Variants in ZNF469 observed in about 807,000 individuals in gnomAD.
ZNF469 encodes the protein zinc finger protein 469.
A neutral mutation model predicts 1.0 loss-of-function variants in ZNF469; 1 was observed. The ratio of observed to expected loss-of-function variants is 1.00; its 90% CI spans 0.35 to 4.73. The LOEUF (loss-of-function observed/expected upper bound fraction) is 4.73, where lower values mean the gene tolerates loss of function less well. ZNF469 is among the 30% of genes most tolerant of loss of function. The pLI is 0.16. For synonymous variants in ZNF469, 2,703 were observed against 2,363.4 expected (o/e 1.14, Z -4.17); for missense variants, 6,100 against 5,356.3 (o/e 1.14, Z -4.33).
the ZNF469 span, among the ~76,000 whole-genome samples, chr16:88,327,752 C>G: frequency 6.6e-6 from 1 of 152,204 alleles, no homozygotes; most frequent in African/African-American, 2.4e-5. Context: ...ATGCTTAGAC[C>G]CCGCACCACA....
the ZNF469 span, among the ~76,000 whole-genome samples, chr16:88,347,096 G>T: frequency 6.6e-6 from 1 of 152,308 alleles, no homozygotes; most frequent in African/African-American, 2.4e-5. Context: ...AGCTTGGGCG[G>T]TCTCAGCATG....
In ZNF469 at chr16:88,434,171, G is replaced by C. The variant is rs1316067638; in HGVS notation, c.6701G>C (p.Ser2234Thr). Residue 2234 changes from serine (S) to threonine (T), a missense_variant, in exon 3 of 3, where the codon AGT (serine) becomes ACT (threonine). Coordinates refer to ENST00000565624, the MANE Select transcript of ZNF469 (RefSeq NM_001367624.2). The stretch of plus-strand genomic sequence containing the variant: ...TCCTCCTGGCCTCCTGGCTCCGTCA[G>C]TGCTGTAACCTGCACTCACAGTGGG... ...DPSSWPPGSV[S>T]AVTCTHSGDT... 1.3e-6 allele frequency: 2 copies of C among 1,550,356 alleles called. No homozygotes were observed. The highest frequency in any genetic ancestry group is 2.0e-5 in the Admixed American group (1 of 51,016).
the ZNF469 span, among the ~76,000 whole-genome samples, chr16:88,322,920 G>C: frequency 2.6e-5 from 4 of 152,178 alleles, no homozygotes; most frequent in Non-Finnish European, 5.9e-5. Flanking sequence ...TCAGGAAAGC[G>C]GAGAGGATGA....
chr16:88,311,228 C>A, the ZNF469 span, among the ~76,000 whole-genome samples: 5 of 152,332 alleles, frequency 3.3e-5, no homozygotes, highest in East Asian at 9.6e-4. Flanking sequence ...CAGGGGTCTA[C>A]ATCATCAACA....
the ZNF469 span, among the ~76,000 whole-genome samples, chr16:88,165,946 C>T: frequency 2.0e-5 from 3 of 152,216 alleles, no homozygotes; most frequent in Non-Finnish European, 2.9e-5. Flanking sequence ...GTGTCAGAAT[C>T]TCCTTCCCTT....
the ZNF469 span, among the ~76,000 whole-genome samples, chr16:88,272,484 A>G: frequency 8.7e-6 from 1 of 115,244 alleles, no homozygotes; most frequent in East Asian, 2.7e-4. Flanking sequence ...GTGTATGGAT[A>G]GATGAGTGGA....
chr16:88,170,193 G>A, the ZNF469 span, among the ~76,000 whole-genome samples: 1 of 152,132 alleles, frequency 6.6e-6, no homozygotes, highest in South Asian at 2.1e-4. The surrounding 1 kb of genome is among the most constrained non-coding windows in gnomAD (Gnocchi z 4.2). Flanking sequence ...TAGAGTTAAG[G>A]CATGTAATGT....
At chr16:88,422,610 T>A (rs1286857568) in intron 1 of ZNF469, among the ~76,000 whole-genome samples, 1 of 122,260 alleles carries the variant, frequency 8.2e-6, no homozygotes, top group African/African-American at 3.2e-5. Flanking sequence ...GAAGGGTGGA[T>A]GAGTGGGTGG....
At position 88,433,509 on chromosome 16, in the gene ZNF469, C is replaced by A. The variant is rs756857979; in HGVS notation, c.6039C>A (p.Asp2013Glu). Residue 2013 changes from aspartate (D) to glutamate (E), a missense_variant, in exon 3 of 3, where the codon GAC becomes GAA. By Grantham distance (45) the Asp-to-Glu change is conservative. Transcript: ENST00000565624. ...ACGGGGTGAGCCCAGGGGGCACGGACAACCACGCCTCAGTCAATGCCAGTC... is the reference window on the plus strand; with the variant it reads ...ACGGGGTGAGCCCAGGGGGCACGGAAAACCACGCCTCAGTCAATGCCAGTC... ...PENGVSPGGT[D>E]NHASVNASPK... The A allele has an allele frequency of 1.3e-6, 2 of 1,550,194 alleles. No homozygotes were observed. Among genetic ancestry groups the A allele is most frequent in the Non-Finnish European group, 1.7e-6 (2 of 1,146,920 alleles).
the ZNF469 span, among the ~76,000 whole-genome samples, chr16:88,208,803 A>ACACACACACACACACACTCT: frequency 1.6e-5 from 2 of 123,654 alleles, no homozygotes; most frequent in African/African-American, 6.3e-5. Context: ...ACACACACAC[A>ACACACACACACACACACTCT]CTCTCTCTCT....
chr16:88,416,557 G>A (rs1265963924), intron 1 of ZNF469, among the ~76,000 whole-genome samples: 9 of 152,224 alleles, frequency 5.9e-5, no homozygotes, highest in Non-Finnish European at 1.2e-4. Context: ...CAGAGAGTCT[G>A]GGTAGGCCCC....
At chr16:88,374,936 A>AGC in the ZNF469 span, among the ~76,000 whole-genome samples, 3 of 152,232 alleles carry the variant, frequency 2.0e-5, no homozygotes, top group African/African-American at 4.8e-5. Context: ...AACGCCTGGC[A>AGC]GCGTTCAGTG....
chr16:88,143,031 C>G, the ZNF469 span, among the ~76,000 whole-genome samples: 10 of 152,140 alleles, frequency 6.6e-5, no homozygotes, highest in Admixed American at 2.6e-4. Context: ...CCCACCTCAC[C>G]GGCCTGTGAT....
the ZNF469 span, among the ~76,000 whole-genome samples, chr16:88,304,137 C>T: frequency 6.6e-6 from 1 of 152,192 alleles, no homozygotes; most frequent in Non-Finnish European, 1.5e-5. Context: ...GCAACCTTCA[C>T]ATAGGACCCC....
the ZNF469 span, among the ~76,000 whole-genome samples, chr16:88,144,170 C>T: frequency 2.6e-5 from 4 of 152,164 alleles, no homozygotes. Context: ...TGGCAGTGAG[C>T]AGCCGGTGGG....
the ZNF469 span, among the ~76,000 whole-genome samples, chr16:88,317,587 G>A: frequency 6.6e-6 from 1 of 152,216 alleles, no homozygotes; most frequent in South Asian, 2.1e-4. Context: ...GCTGAGGCTT[G>A]GGTGTTGGGG....
At chr16:88,362,958 A>ATT in the ZNF469 span, among the ~76,000 whole-genome samples, 1 of 152,034 alleles carries the variant, frequency 6.6e-6, no homozygotes. Context: ...AAACTTATGA[A>ATT]TTTTTTTCTT....
the ZNF469 span, among the ~76,000 whole-genome samples, chr16:88,377,243 G>A: frequency 1.3e-5 from 2 of 152,238 alleles, no homozygotes; most frequent in African/African-American, 4.8e-5. Context: ...GCAGGGCAGG[G>A]GGACTTCCCA....
chr16:88,285,435 C>T, the ZNF469 span, among the ~76,000 whole-genome samples: 1 of 152,218 alleles, frequency 6.6e-6, no homozygotes, highest in Non-Finnish European at 1.5e-5. Context: ...TGTGGGGAGA[C>T]AGTGTGGGAG....
Sources: allele counts gnomAD v4.1 joint callset (sites outside exome capture counted in the v4.1 genomes callset), GRCh38; gene constraint gnomAD v4.1.1; non-coding constraint Gnocchi (gnomAD v3.1); transcripts MANE v1.5; gene names NCBI Gene and HGNC (gene_info 2026-07-23, HGNC 2026-07-21).